FAT3: variants seen among roughly 807,000 people sequenced by gnomAD.
FAT3 encodes FAT atypical cadherin 3.
FAT3 carries 95 observed loss-of-function variants against 310.2 expected under a neutral mutation model. That is an observed-to-expected ratio of 0.31 (90% confidence interval 0.26 to 0.36). The LOEUF is 0.36. Ranked by LOEUF, FAT3 falls within the 10% of genes least tolerant of loss-of-function variation. The pLI is 1.00. For synonymous variants in FAT3, 2,314 were observed against 2,192.9 expected (o/e 1.06, Z -1.54); for missense variants, 5,408 against 5,715.6 (o/e 0.95, Z 1.74).
chr11:92,296,508 G>C (rs968146890), intron 1 of FAT3, among the ~76,000 whole-genome samples: 2 of 152,064 alleles, frequency 1.3e-5, no homozygotes, highest in African/African-American at 4.8e-5. Context: ...CATAGGTATG[G>C]GGCCACTGCT....
chr11:92,732,535 C>T (rs932316121), intron 4 of FAT3, among the ~76,000 whole-genome samples: 1 of 152,176 alleles, frequency 6.6e-6, no homozygotes, highest in East Asian at 1.9e-4. Flanking sequence ...CACAGCAAGC[C>T]ATCATCTGAC....
rs562955201 is a variant in FAT3, at chr11:92,529,960, G to A, written c.3607+5012G>A. On this transcript the variant is annotated intron_variant, in intron 3 of 27. Transcript: ENST00000525166. Reference sequence around the variant, plus strand: ...GGCTACCCCCACTTTAGGCGACTTAGGAGGAAGAAATCCTCTTCAAAAGTG... The same window carrying A: ...GGCTACCCCCACTTTAGGCGACTTAAGAGGAAGAAATCCTCTTCAAAAGTG... 3.3e-5 allele frequency among the ~76,000 whole-genome samples: 5 copies of A among 152,266 alleles called. No homozygotes were observed. In the South Asian group the frequency reaches 6.2e-4, roughly 19 times the overall value.
rs1407095479 is a variant in FAT3, at chr11:92,867,355, CT to C, written c.12127+149del. On this transcript the variant is annotated intron_variant, in intron 22 of 27. Coordinates refer to ENST00000525166, the MANE Select transcript of FAT3 (RefSeq NM_001367949.2). ...GATGCTCGCCAACCTTCTTAATCTGCTTTAGGGAAGTCTCAGCTCTTGACAA... is the reference window on the plus strand; with the variant it reads ...GATGCTCGCCAACCTTCTTAATCTGCTTAGGGAAGTCTCAGCTCTTGACAA... 5.6e-6 allele frequency: 5 copies of C among 896,144 alleles called. No individual in the cohort carries two copies. The African/African-American group carries it at 6.7e-5, about 12-fold the overall frequency. 55.5% of individuals were successfully genotyped at this position (896,144 alleles called of 1,614,324 possible). A position where few individuals can be genotyped will look rare whatever the true frequency, so the allele number is the denominator to read the frequency against.
At chr11:92,778,804 G>A (rs1946662710) in intron 7 of FAT3, among the ~76,000 whole-genome samples, 1 of 152,068 alleles carries the variant, frequency 6.6e-6, no homozygotes, top group Admixed American at 6.6e-5. Context: ...GTCCTCTGAA[G>A]GCTCCCCAGC....
In FAT3 at chr11:92,798,944, C is replaced by T; in HGVS notation, c.5931C>T (p.Asp1977=). 1 of 1,613,968 alleles carries T rather than the reference C, an allele frequency of 6.2e-7. No individual in the cohort carries two copies. Among genetic ancestry groups the T allele is most frequent in the Non-Finnish European group, 8.5e-7 (1 of 1,179,862 alleles). ...CCATCATGGTTAAAGAAGCCATGGACAGCGGCCTCCACTTTACACAAAGCT... is the reference window on the plus strand; with the variant it reads ...CCATCATGGTTAAAGAAGCCATGGATAGCGGCCTCCACTTTACACAAAGCT... ...MVTIMVKEAM[D]SGLHFTQSFY... Residue 1977 remains aspartate (D), a synonymous_variant, in exon 10 of 28, where the codon GAC becomes GAT. Transcript: ENST00000525166.
At chr11:92,339,689 T>G (rs966905227) in intron 1 of FAT3, among the ~76,000 whole-genome samples, 6 of 151,996 alleles carry the variant, frequency 3.9e-5, no homozygotes, top group African/African-American at 9.7e-5. Context: ...GTTTTTATAA[T>G]GGGAAATCAG....
At chr11:92,628,858 G>T (rs1453730842) in intron 3 of FAT3, among the ~76,000 whole-genome samples, 3 of 152,268 alleles carry the variant, frequency 2.0e-5, no homozygotes, top group Non-Finnish European at 2.9e-5. Flanking sequence ...AAGAAGAAGG[G>T]TGCATGCACG....
chr11:92,821,411 G>A (rs1330334081), intron 13 of FAT3, among the ~76,000 whole-genome samples: 1 of 152,062 alleles, frequency 6.6e-6, no homozygotes, highest in African/African-American at 2.4e-5. Flanking sequence ...CTTAGATATT[G>A]TTATTTCTAA....
At chr11:92,370,494 G>C (rs188681269) in intron 2 of FAT3, among the ~76,000 whole-genome samples, 7 of 152,230 alleles carry the variant, frequency 4.6e-5, no homozygotes, top group Non-Finnish European at 8.8e-5. Context: ...GGTAGAGTTA[G>C]GTATTTCTTT....
At chr11:92,890,440 G>T (rs1329307501) in intron 27 of FAT3, 51 bp from the exon 28 acceptor site, 4 of 1,552,960 alleles carry the variant, frequency 2.6e-6, no homozygotes, top group Non-Finnish European at 3.5e-6. Flanking sequence ...TCCCAGCAAA[G>T]CACCAACTCC....
intron 3 of FAT3, among the ~76,000 whole-genome samples, chr11:92,533,652 A>G (rs1038516150): frequency 6.6e-6 from 1 of 152,190 alleles, no homozygotes; most frequent in African/African-American, 2.4e-5. Flanking sequence ...AAGAGAAATG[A>G]TGCTCTTGAC....
intron 3 of FAT3, among the ~76,000 whole-genome samples, chr11:92,630,769 C>T (rs952709454): frequency 1.3e-5 from 2 of 152,132 alleles, no homozygotes; most frequent in African/African-American, 4.8e-5. Flanking sequence ...CTGGCAGGTT[C>T]TCCCAGGTAT....
chr11:92,843,879 C>T (rs1490743006), intron 18 of FAT3, 55 bp from the exon 19 acceptor site: 1 of 1,504,404 alleles, frequency 6.6e-7, no homozygotes, highest in African/African-American at 1.4e-5. Context: ...TTTTTAAAAA[C>T]TTACTATGAT....
chr11:92,749,153 G>A (rs570151494), intron 4 of FAT3: 1 of 152,292 alleles, frequency 6.6e-6, no homozygotes, highest in South Asian at 2.1e-4. Flanking sequence ...ACATTTTGAA[G>A]ATAAAAAGTG....
At chr11:92,730,977 C>G (rs192108221) in intron 4 of FAT3, among the ~76,000 whole-genome samples, 1 of 152,062 alleles carries the variant, frequency 6.6e-6, no homozygotes, top group Admixed American at 6.5e-5. Context: ...ATTATGAAAT[C>G]GGGGGCTAAG....
chr11:92,636,863 C>T (rs1232604304), intron 3 of FAT3, among the ~76,000 whole-genome samples: 1 of 152,208 alleles, frequency 6.6e-6, no homozygotes, highest in Non-Finnish European at 1.5e-5. Context: ...CTTAATGACA[C>T]ATCCAAAGCA....
Position 92,800,362 on chromosome 11 carries a change from T to C in FAT3, c.7349T>C (p.Val2450Ala), listed in dbSNP as rs1408643306. Reference protein sequence around the residue: ...TSFLMDSKSGVITLSNHRKQR... With the variant: ...TSFLMDSKSGAITLSNHRKQR... ...TTTCTGATGGACAGCAAGAGTGGAGTTATCACATTGTCCAACCATCGGAAG... is the reference window on the plus strand; with the variant it reads ...TTTCTGATGGACAGCAAGAGTGGAGCTATCACATTGTCCAACCATCGGAAG... Residue 2450 changes from valine to alanine, a missense_variant, in exon 10 of 28, where the codon GTT becomes GCT. By Grantham distance (64) the Val-to-Ala change is moderately conservative. Transcript: ENST00000525166. 6.2e-7 allele frequency: 1 copy of C among 1,613,808 alleles called. No homozygotes were observed.
intron 2 of FAT3, among the ~76,000 whole-genome samples, chr11:92,404,895 C>T (rs555769197): frequency 6.6e-6 from 1 of 151,930 alleles, no homozygotes; most frequent in Non-Finnish European, 1.5e-5. Context: ...CACAGATGCT[C>T]CCGGTTCTTG....
At chr11:92,339,170 T>C (rs1429221730) in intron 1 of FAT3, among the ~76,000 whole-genome samples, 1 of 152,206 alleles carries the variant, frequency 6.6e-6, no homozygotes, top group Non-Finnish European at 1.5e-5. Flanking sequence ...ATTAGGCATG[T>C]AAGTTCTGTG....
Sources: gnomAD v4.1 joint callset for allele counts (sites outside exome capture counted in the v4.1 genomes callset) on GRCh38, gnomAD v4.1.1 for gene constraint, MANE v1.5 for transcripts, NCBI Gene and HGNC (gene_info 2026-07-23, HGNC 2026-07-21) for gene names.